The following ACACB variants were observed in gnomAD, a reference collection of about 807,000 sequenced individuals.
ACACB encodes acetyl-CoA carboxylase beta.
In ACACB, 209 loss-of-function variants were observed where a neutral mutation model predicts 278.8. That is an observed-to-expected ratio of 0.75 (90% CI 0.67 to 0.84). The LOEUF (loss-of-function observed/expected upper bound fraction) is 0.84, where lower values mean the gene tolerates loss of function less well. Among genes scored for constraint, ACACB ranks in the 40% least tolerant of loss-of-function variants. The pLI, the probability that ACACB is intolerant of heterozygous loss-of-function variation, is 0.00. For synonymous variants in ACACB, 1,174 were observed against 1,285.6 expected, an observed-to-expected ratio of 0.91 and a Z score of 1.86; for missense variants, 2,850 against 3,269.0, an observed-to-expected ratio of 0.87 and a Z score of 3.13.
chr12:109,140,191 A>G, intron 2 of ACACB, 133 bp downstream of exon 2: 1 of 771,076 alleles, frequency 1.3e-6, no homozygotes, highest in Non-Finnish European at 1.9e-6. Flanking sequence ...GCACAAAAGG[A>G]GAAGACACGA....
rs552880564 is a variant in ACACB, at chr12:109,122,302, G to T, written c.-10+5598G>T. ...CTACTGGTCTCACAAGGTGGAATGA[G>T]ACAATGATTATAAAATGCTTCATAT... is the stretch of plus-strand genomic sequence containing the variant. On this transcript the variant is annotated intron_variant, in intron 1 of 52. Transcript: ENST00000338432. Among the ~76,000 whole-genome samples the T allele has an allele frequency of 8.5e-5, 13 of 152,312 alleles. No individual in the cohort carries two copies. The East Asian group carries it at 2.1e-3, about 25-fold the overall frequency.
At chr12:109,223,071 C>T (rs535241454) in intron 26 of ACACB, among the ~76,000 whole-genome samples, 159 bp downstream of exon 26, 40 of 152,168 alleles carry the variant, frequency 2.6e-4, no homozygotes, top group African/African-American at 8.4e-4. Context: ...CAGGGCTGCC[C>T]GAGGGGTCAC....
chr12:109,185,759 T>C lies in ACACB; in HGVS notation c.1980+19T>C. On this transcript the variant is annotated intron_variant, in intron 12 of 52. Transcript: ENST00000338432. ...AGACGAGGCAAGTTATGGGGGCCCC[T>C]GTGTTTCCACCATCTCAGATCTCCC... The C allele has an allele frequency of 6.3e-7, 1 of 1,597,622 alleles. No homozygotes were observed. Among genetic ancestry groups the C allele is most frequent in the Non-Finnish European group, 8.5e-7 (1 of 1,170,126 alleles).
Position 109,222,561 on chromosome 12 carries a change from A to G in ACACB, c.3619A>G (p.Asn1207Asp). The change falls in exon 25 of 53, where the codon AAC (asparagine) becomes GAC (aspartate). Residue 1207 changes from asparagine (N) to aspartate (D), a missense_variant. Physicochemically the swap from Asn to Asp is conservative, Grantham distance 23 (BLOSUM62 1). This residue lies in a region of ACACB where 2,265 missense variants were observed against 2,561.3 expected (regional missense o/e 0.88). Coordinates refer to ENST00000338432, the MANE Select transcript of ACACB (RefSeq NM_001093.4). ...GTCGGACGAGCTGATCTCCATCCTCAACGAGCTCACTCAGCTGAGCAAAAG... is the reference window on the plus strand; with the variant it reads ...GTCGGACGAGCTGATCTCCATCCTCGACGAGCTCACTCAGCTGAGCAAAAG... The part of the protein sequence containing the change: ...SLSDELISIL[N>D]ELTQLSKSEH... 1.2e-6 allele frequency: 2 copies of G among 1,614,084 alleles called. No individual in the cohort carries two copies. Among genetic ancestry groups the G allele is most frequent in the Non-Finnish European group, 1.7e-6 (2 of 1,180,014 alleles).
chr12:109,127,721 T>A (rs1002598358), intron 1 of ACACB, among the ~76,000 whole-genome samples: 5 of 152,200 alleles, frequency 3.3e-5, no homozygotes, highest in African/African-American at 1.2e-4. Context: ...CATTTGTTCC[T>A]CTGGTGTAAG....
chr12:109,230,320 G>A (rs2046431128), intron 28 of ACACB, among the ~76,000 whole-genome samples: 2 of 152,224 alleles, frequency 1.3e-5, no homozygotes, highest in South Asian at 4.1e-4. Flanking sequence ...TGAGAGAAAG[G>A]GGACTGACTG....
intron 2 of ACACB, among the ~76,000 whole-genome samples, chr12:109,158,190 T>C (rs191096153): frequency 1.5e-3 from 226 of 152,296 alleles, no homozygotes; most frequent in Admixed American, 2.6e-3. Context: ...GTAAATATTT[T>C]TGGCTTTGTG....
Position 109,216,939 on chromosome 12 carries a change from T to C in ACACB, c.3564+19T>C. 6.2e-7 allele frequency: 1 copy of C among 1,611,362 alleles called. No individual in the cohort carries two copies. Among genetic ancestry groups the C allele is most frequent in the East Asian group, 2.2e-5 (1 of 44,866 alleles). On this transcript the variant is annotated intron_variant, in intron 24 of 52. Transcript: ENST00000338432. ...GTTGATCGTAAGCAGGAAGAGGGCCTGTTACTAGACTGGGGGTGGGTCAGG... is the reference window on the plus strand; with the variant it reads ...GTTGATCGTAAGCAGGAAGAGGGCCCGTTACTAGACTGGGGGTGGGTCAGG...
intron 36 of ACACB, chr12:109,241,548 A>AT: frequency 2.3e-6 from 1 of 434,198 alleles, no homozygotes. Flanking sequence ...AGGTGTCACC[A>AT]TATTGGCCAG....
Position 109,199,534 on chromosome 12 carries a change from C to A in ACACB, c.2760C>A (p.Ser920Arg). Reference sequence around the variant, plus strand: ...ATGGGGGCCACGTTGAGGCTGGGAGCAGCTACGCTGAGATGGAGGTGACTG... The same window carrying A: ...ATGGGGGCCACGTTGAGGCTGGGAGAAGCTACGCTGAGATGGAGGTGACTG... Reference protein sequence around the residue: ...VEDGGHVEAGSSYAEMEVMKM... With the variant: ...VEDGGHVEAGRSYAEMEVMKM... The change falls in exon 18 of 53, where the codon AGC becomes AGA. Residue 920 changes from serine (S) to arginine (R), a missense_variant. Physicochemically the swap from Ser to Arg is moderately radical, Grantham distance 110 (BLOSUM62 -1). Coordinates refer to ENST00000338432, the MANE Select transcript of ACACB (RefSeq NM_001093.4). 1.3e-6 allele frequency: 2 copies of A among 1,495,560 alleles called. No homozygotes were observed. The highest frequency in any genetic ancestry group is 2.8e-5 in the South Asian group (2 of 72,538). The allele number at this position is 1,495,560 out of a possible 1,614,324, so 92.6% of individuals were successfully genotyped here. A position where few individuals can be genotyped will look rare whatever the true frequency, so the allele number is the denominator to read the frequency against.
At chr12:109,207,420 C>T (rs2045554738) in intron 20 of ACACB, among the ~76,000 whole-genome samples, 1 of 152,172 alleles carries the variant, frequency 6.6e-6, no homozygotes, top group African/African-American at 2.4e-5. Context: ...TGGGGGTCAC[C>T]CTGCTTAAGG....
At chr12:109,204,313 C>T (rs1457344996) in intron 19 of ACACB, among the ~76,000 whole-genome samples, 18 of 126,128 alleles carry the variant, frequency 1.4e-4, no homozygotes, top group Middle Eastern at 5.4e-3. Flanking sequence ...TTGCTCTTGT[C>T]GCCCAGGCTG....
At position 109,247,623 on chromosome 12, in the gene ACACB, C is replaced by T. The variant is rs1400271957; in HGVS notation, c.5589C>T (p.Tyr1863=). ...EDPHKGFKYL[Y]LTPQDYTRIS... is the part of the protein sequence containing the mutation. ...TTTTTAAGGGATTTAAATACCTGTA[C>T]CTGACTCCCCAAGACTACACCAGAA... is the stretch of plus-strand genomic sequence containing the variant. The change falls in exon 40 of 53, where the codon TAC becomes TAT. Residue 1863 remains tyrosine, a synonymous_variant. Transcript: ENST00000338432. 4 of 1,613,408 alleles carry T rather than the reference C, an allele frequency of 2.5e-6. No homozygotes were observed. The African/African-American group carries it at 5.3e-5, about 22-fold the overall frequency.
intron 41 of ACACB, 52 bp from the exon 42 acceptor site, chr12:109,251,994 G>A (rs2047107453): frequency 7.2e-7 from 1 of 1,391,944 alleles, no homozygotes; most frequent in Admixed American, 2.1e-5. Flanking sequence ...CTGCTGTGGG[G>A]GGTGGGTCCC....
intron 28 of ACACB, among the ~76,000 whole-genome samples, chr12:109,228,609 A>G (rs2046385126): frequency 6.6e-6 from 1 of 150,992 alleles, no homozygotes; most frequent in East Asian, 2.0e-4. Flanking sequence ...CAGTGAGCCA[A>G]GATTGTGCCA....
In ACACB at chr12:109,260,583, G is replaced by A; in HGVS notation, c.6600G>A (p.Arg2200=). 1 of 1,613,388 alleles carries A rather than the reference G, an allele frequency of 6.2e-7. No homozygotes were observed. The highest frequency in any genetic ancestry group is 8.5e-7 in the Non-Finnish European group (1 of 1,179,738). Residue 2200 remains arginine, a synonymous_variant, in exon 48 of 53, where the codon CGG becomes CGA. Coordinates refer to ENST00000338432, the MANE Select transcript of ACACB (RefSeq NM_001093.4). The stretch of plus-strand genomic sequence containing the variant: ...ATATCCCGCCCTATGCGGAGCTCCG[G>A]GGAGGCTCCTGGGTGGTCATAGATG... ...LIYIPPYAEL[R]GGSWVVIDAT...
intron 11 of ACACB, among the ~76,000 whole-genome samples, chr12:109,181,938 G>T (rs149952933): frequency 7.5e-6 from 1 of 133,964 alleles, no homozygotes; most frequent in East Asian, 2.4e-4. Context: ...TCTGCCTCAC[G>T]GTTCGAACAA....
intron 17 of ACACB, 83 bp downstream of exon 17, chr12:109,197,236 G>GTTT: frequency 1.3e-6 from 2 of 1,505,462 alleles, no homozygotes; most frequent in Non-Finnish European, 1.8e-6. Flanking sequence ...ACTGGCCTGT[G>GTTT]TGCAGGTCCA....
chr12:109,157,328 C>G (rs1187205999), intron 2 of ACACB, among the ~76,000 whole-genome samples: 6 of 148,488 alleles, frequency 4.0e-5, no homozygotes, highest in African/African-American at 9.9e-5. Flanking sequence ...GTTGCCCAGA[C>G]AGTGGCATGA....
Sources: gnomAD v4.1 joint callset for allele counts (sites outside exome capture counted in the v4.1 genomes callset) on GRCh38, gnomAD v4.1.1 for gene constraint, gnomAD v4.1.1 regional missense constraint, MANE v1.5 for transcripts, NCBI Gene and HGNC (gene_info 2026-07-23, HGNC 2026-07-21) for gene names.